Variants in PAWR observed in about 807,000 individuals in gnomAD.
PAWR encodes the protein PRKC apoptosis WT1 regulator protein.
A neutral mutation model predicts 32.0 loss-of-function variants in PAWR; 23 were observed. The observed-to-expected ratio is 0.72, with a 90% CI of 0.52 to 1.02. The LOEUF is 1.02. Ranked by LOEUF, PAWR falls within the 50% of genes least tolerant of loss-of-function variation. The pLI, the probability that PAWR is intolerant of heterozygous loss-of-function variation, is 0.00. For synonymous variants in PAWR, 226 were observed against 187.1 expected (o/e 1.21, Z -1.70); for missense variants, 457 against 437.7 (o/e 1.04, Z -0.39).
chr12:79,585,270 C>T lies in PAWR; in HGVS notation c.*7337G>A. On this transcript the variant is annotated 3_prime_UTR_variant, in exon 7 of 7. Transcript: ENST00000328827. ...AATGCATACTGCAGTGGCTCAAAAA[C>T]TTAGGCCTGCATCAAAATTACATGA... is the stretch of plus-strand genomic sequence containing the variant. 1 of 339,536 alleles carries T rather than the reference C, an allele frequency of 2.9e-6. No homozygotes were observed. The highest frequency in any genetic ancestry group is 2.4e-5 in the South Asian group (1 of 41,626). 21.0% of individuals were successfully genotyped at this position (339,536 alleles called of 1,614,324 possible).
At chr12:79,670,790 A>AT (rs1158541396) in intron 2 of PAWR, among the ~76,000 whole-genome samples, 2 of 152,086 alleles carry the variant, frequency 1.3e-5, no homozygotes, top group African/African-American at 2.4e-5. Flanking sequence ...AGATTTTGTG[A>AT]TTTTAAAGCA....
rs760133896 is a variant in PAWR, at chr12:79,591,260, T to C, written c.*1347A>G. The C allele has an allele frequency of 6.6e-6, 1 of 152,002 alleles. No individual in the cohort carries two copies. Among genetic ancestry groups the C allele is most frequent in the Admixed American group, 6.6e-5 (1 of 15,254 alleles). 9.4% of individuals were successfully genotyped at this position (152,002 alleles called of 1,614,324 possible). A position where few individuals can be genotyped will look rare whatever the true frequency, so the allele number is the denominator to read the frequency against. ...TTTGATTATCATTTACTCCACATTT[T>C]CCCCCAGCTGTCTCACCTTCTCTAT... is the stretch of plus-strand genomic sequence containing the variant. On this transcript the variant is annotated 3_prime_UTR_variant, in exon 7 of 7. Transcript: ENST00000328827.
chr12:79,636,928 A>T (rs1184733295), intron 2 of PAWR, among the ~76,000 whole-genome samples: 1 of 152,166 alleles, frequency 6.6e-6, no homozygotes, highest in African/African-American at 2.4e-5. Flanking sequence ...TTTGCAAAGT[A>T]TAAACACTCC....
chr12:79,613,706 G>C (rs2136699618), intron 3 of PAWR, 97 bp from the exon 4 acceptor site: 3 of 570,536 alleles, frequency 5.3e-6, no homozygotes, highest in Non-Finnish European at 9.1e-6. Context: ...ATTTTAAAAA[G>C]ACCAACTTGA....
chr12:79,627,603 C>G (rs956928073), intron 2 of PAWR, among the ~76,000 whole-genome samples: 1 of 152,074 alleles, frequency 6.6e-6, no homozygotes, highest in South Asian at 2.1e-4. Context: ...AATTAGATCC[C>G]ATTTGTCAAT....
intron 2 of PAWR, among the ~76,000 whole-genome samples, chr12:79,667,611 T>C (rs1263795906): frequency 6.6e-6 from 1 of 152,192 alleles, no homozygotes; most frequent in Non-Finnish European, 1.5e-5. Flanking sequence ...AAGACATATA[T>C]GAGATACCCA....
At chr12:79,622,000 C>G (rs184785905) in intron 2 of PAWR, among the ~76,000 whole-genome samples, 1 of 152,128 alleles carries the variant, frequency 6.6e-6, no homozygotes, top group Non-Finnish European at 1.5e-5. Context: ...CACACCCCCT[C>G]CAGACAAAAA....
intron 2 of PAWR, among the ~76,000 whole-genome samples, chr12:79,685,185 T>G (rs1489802881): frequency 6.6e-6 from 1 of 152,184 alleles, no homozygotes; most frequent in Non-Finnish European, 1.5e-5. Flanking sequence ...ACCAGTGAGC[T>G]CAAACATTTA....
intron 2 of PAWR, among the ~76,000 whole-genome samples, chr12:79,653,362 G>C (rs138896958): frequency 2.6e-5 from 4 of 151,716 alleles, no homozygotes; most frequent in Non-Finnish European, 5.9e-5. Context: ...AATTCATTTT[G>C]AAACTCTTAC....
At chr12:79,598,895 C>G (rs1873860489) in intron 4 of PAWR, among the ~76,000 whole-genome samples, 1 of 152,150 alleles carries the variant, frequency 6.6e-6, no homozygotes, top group African/African-American at 2.4e-5. Context: ...TGCCACCATG[C>G]CCGGCTAATT....
chr12:79,610,641 T>C (rs1874390280), intron 4 of PAWR, among the ~76,000 whole-genome samples: 1 of 151,864 alleles, frequency 6.6e-6, no homozygotes, highest in Non-Finnish European at 1.5e-5. Flanking sequence ...AATTACACAT[T>C]GAGGCCAGGC....
chr12:79,611,696 T>A (rs1256279487), intron 4 of PAWR, among the ~76,000 whole-genome samples: 2 of 152,080 alleles, frequency 1.3e-5, no homozygotes, highest in East Asian at 3.8e-4. Flanking sequence ...AAGATATTTA[T>A]AACAATATTA....
Position 79,596,641 on chromosome 12 carries a change from T to C in PAWR, c.701A>G (p.Glu234Gly), listed in dbSNP as rs1412921721. 6.3e-7 allele frequency: 1 copy of C among 1,594,722 alleles called. No individual in the cohort carries two copies. The highest frequency in any genetic ancestry group is 8.5e-7 in the Non-Finnish European group (1 of 1,170,546). Residue 234 changes from glutamate to glycine, a missense_variant, in exon 5 of 7, where the codon GAA becomes GGA. Glu to Gly is a moderately conservative substitution (Grantham distance 98, BLOSUM62 -2). Coordinates refer to ENST00000328827, the MANE Select transcript of PAWR (RefSeq NM_002583.4). ...GRYKSTTSVS[E>G]EDVSSRYSRT... is the part of the protein sequence containing the mutation. Reference sequence around the variant, plus strand: ...AGAATATCTACTTGAGACATCTTCTTCAGAGACACTGGTTGTGCTGTGGAA... The same window carrying C: ...AGAATATCTACTTGAGACATCTTCTCCAGAGACACTGGTTGTGCTGTGGAA...
chr12:79,654,770 C>A (rs1877016481), intron 2 of PAWR, among the ~76,000 whole-genome samples: 1 of 152,174 alleles, frequency 6.6e-6, no homozygotes, highest in Non-Finnish European at 1.5e-5. Context: ...ATAAAACCAT[C>A]AGATCTCGTG....
At position 79,627,417 on chromosome 12, in the gene PAWR, G is replaced by A. The variant is rs545997102; in HGVS notation, c.517-6210C>T. Among the ~76,000 whole-genome samples, 166 of 152,110 alleles carry A rather than the reference G, an allele frequency of 1.1e-3. 1 individual carries two copies. The highest frequency in any genetic ancestry group is 6.8e-3 in the Middle Eastern group (2 of 294). On this transcript the variant is annotated intron_variant, in intron 2 of 6. Transcript: ENST00000328827. ...TGAGAAGTGTCTGTTCATATCCTTC[G>A]CCCACTTTTTGATGGGGTTGTTTGT... is the stretch of plus-strand genomic sequence containing the variant.
chr12:79,636,985 A>G (rs1875992173), intron 2 of PAWR, among the ~76,000 whole-genome samples: 1 of 152,202 alleles, frequency 6.6e-6, no homozygotes, highest in African/African-American at 2.4e-5. Flanking sequence ...TAAATTACGA[A>G]TCAGAATGAG....
intron 2 of PAWR, among the ~76,000 whole-genome samples, chr12:79,673,236 A>AT (rs1360798465): frequency 2.0e-5 from 3 of 151,506 alleles, no homozygotes; most frequent in African/African-American, 7.3e-5. Context: ...CACCTGGCTA[A>AT]TTTTTTGTAT....
chr12:79,688,678 A>G (rs374683307), intron 2 of PAWR, among the ~76,000 whole-genome samples: 1 of 152,146 alleles, frequency 6.6e-6, no homozygotes, highest in East Asian at 1.9e-4. Flanking sequence ...TAATACTAAA[A>G]ATTTAGGTAT....
At chr12:79,636,683 GTCTTAC>G (rs1467955980) in intron 2 of PAWR, among the ~76,000 whole-genome samples, 7 of 151,998 alleles carry the variant, frequency 4.6e-5, no homozygotes, top group Admixed American at 4.6e-4. Context: ...TAAGTAGTAA[GTCTTAC>G]AAATGAATGC....
Sources: gnomAD v4.1 joint callset for allele counts (sites outside exome capture counted in the v4.1 genomes callset) on GRCh38, gnomAD v4.1.1 for gene constraint, MANE v1.5 for transcripts, NCBI Gene and HGNC (gene_info 2026-07-23, HGNC 2026-07-21) for gene names.